WWOX: variants seen among roughly 807,000 people sequenced by gnomAD.
WWOX encodes WW domain containing oxidoreductase, also known as WW domain-containing oxidoreductase.
WWOX carries 69 observed loss-of-function variants against 46.2 expected under a neutral mutation model. That is an observed-to-expected ratio of 1.49 (90% confidence interval 1.23 to 1.82). The LOEUF is 1.82. Ranked by LOEUF, WWOX falls within the 40% of genes most tolerant of loss-of-function variation. WWOX has a pLI of 0.00. For missense variants in WWOX, 919 were observed against 542.6 expected (o/e 1.69, Z -6.89); for synonymous variants, 359 against 202.6 (o/e 1.77, Z -6.56).
intron 8 of WWOX, among the ~76,000 whole-genome samples, chr16:78,762,567 A>C (rs2049820952): frequency 6.6e-6 from 1 of 152,224 alleles, no homozygotes; most frequent in Non-Finnish European, 1.5e-5. Flanking sequence ...TGCTGCCATG[A>C]GTCGAGGTGA....
intron 8 of WWOX, among the ~76,000 whole-genome samples, chr16:79,173,436 C>T (rs1158943811): frequency 6.6e-6 from 1 of 152,188 alleles, no homozygotes; most frequent in African/African-American, 2.4e-5. Flanking sequence ...CCCAAGTGAG[C>T]AAACAGGCAG....
At chr16:78,934,620 C>T (rs564336429) in intron 8 of WWOX, among the ~76,000 whole-genome samples, 2 of 152,096 alleles carry the variant, frequency 1.3e-5, no homozygotes, top group South Asian at 4.2e-4. Flanking sequence ...CCCTATGACC[C>T]ACCACCACGC....
At chr16:78,172,053 C>T (rs566312203) in intron 5 of WWOX, among the ~76,000 whole-genome samples, 1 of 152,308 alleles carries the variant, frequency 6.6e-6, no homozygotes, top group South Asian at 2.1e-4. Flanking sequence ...CAGGCTCACA[C>T]AGCTGGGAGA....
chr16:78,664,596 G>T (rs1055227531), intron 8 of WWOX, among the ~76,000 whole-genome samples: 5 of 152,168 alleles, frequency 3.3e-5, no homozygotes, highest in East Asian at 1.9e-4. Context: ...TCAAAACTCT[G>T]TGTCCAGATG....
At chr16:78,409,455 A>AG (rs2082624390) in intron 6 of WWOX, among the ~76,000 whole-genome samples, 1 of 152,170 alleles carries the variant, frequency 6.6e-6, no homozygotes, top group Non-Finnish European at 1.5e-5. Context: ...TTACATAAAC[A>AG]GAAATATTCT....
intron 8 of WWOX, among the ~76,000 whole-genome samples, chr16:79,074,612 A>AG (rs2048619940): frequency 6.6e-6 from 1 of 151,738 alleles, no homozygotes; most frequent in African/African-American, 2.4e-5. Context: ...ATAAGCTAGG[A>AG]ATACTAAGAA....
At position 79,015,905 on chromosome 16, in the gene WWOX, C is replaced by T. The variant is rs140392578; in HGVS notation, c.1057-195703C>T. Among the ~76,000 whole-genome samples the T allele has an allele frequency of 1.4e-3, 208 of 152,198 alleles. 1 individual carries two copies. The highest frequency in any genetic ancestry group is 6.8e-3 in the Middle Eastern group (2 of 294). On this transcript the variant is annotated intron_variant, in intron 8 of 8. Coordinates refer to ENST00000566780, the MANE Select transcript of WWOX (RefSeq NM_016373.4). ...TAGCTGGTACTAAGGCATGTGCCAC[C>T]ACTCACAGCTAATTTTAGTATTTTT...
At chr16:79,034,657 G>A (rs1156420908) in intron 8 of WWOX, among the ~76,000 whole-genome samples, 1 of 151,504 alleles carries the variant, frequency 6.6e-6, no homozygotes. Flanking sequence ...CATCTTGAAT[G>A]CTTCTGTGTC....
intron 8 of WWOX, among the ~76,000 whole-genome samples, chr16:78,630,098 C>T (rs989084121): frequency 6.6e-6 from 1 of 152,154 alleles, no homozygotes; most frequent in African/African-American, 2.4e-5. Flanking sequence ...GAAAATCTGT[C>T]ACCAGTCACT....
chr16:79,176,050 C>G (rs144041448), intron 8 of WWOX, among the ~76,000 whole-genome samples: 1 of 152,320 alleles, frequency 6.6e-6, no homozygotes, highest in East Asian at 1.9e-4. Flanking sequence ...ATTCCCTAAG[C>G]TGCACATTAG....
chr16:78,996,438 G>A lies in WWOX; in HGVS notation c.1057-215170G>A, dbSNP rs376329036. ...TGCTCAAAGTTTGCAAAGAATGGAGGCATATTCAAAGTGCTCAGCACTGGG... is the reference window on the plus strand; with the variant it reads ...TGCTCAAAGTTTGCAAAGAATGGAGACATATTCAAAGTGCTCAGCACTGGG... On this transcript the variant is annotated intron_variant, in intron 8 of 8. Transcript: ENST00000566780. 4.5e-4 allele frequency: 317 copies of A among 696,778 alleles called. 8 individuals carry two copies. In the South Asian group the frequency reaches 0.017, roughly 37 times the overall value. The allele number at this position is 696,778 out of a possible 1,614,324, so 43.2% of individuals were successfully genotyped here.
chr16:78,446,871 G>T (rs1226414140), intron 8 of WWOX, among the ~76,000 whole-genome samples: 1 of 151,988 alleles, frequency 6.6e-6, no homozygotes, highest in African/African-American at 2.4e-5. Context: ...ATGTTCACCA[G>T]GCTGGACATG....
intron 8 of WWOX, among the ~76,000 whole-genome samples, chr16:78,909,709 C>T (rs940151287): frequency 1.3e-5 from 2 of 152,176 alleles, no homozygotes; most frequent in African/African-American, 4.8e-5. Flanking sequence ...ATAGTTTGTT[C>T]TTTAAGCAAA....
intron 8 of WWOX, among the ~76,000 whole-genome samples, chr16:78,497,194 A>T (rs2084938005): frequency 6.6e-6 from 1 of 151,918 alleles, no homozygotes; most frequent in Non-Finnish European, 1.5e-5. Context: ...GCATATGCAC[A>T]TGAGGAAGTT....
chr16:78,878,339 C>G (rs1253152380), intron 8 of WWOX, among the ~76,000 whole-genome samples: 1 of 152,006 alleles, frequency 6.6e-6, no homozygotes, highest in Non-Finnish European at 1.5e-5. Context: ...GCAGGCAGGC[C>G]CCTGGGTTCA....
At chr16:78,944,360 G>A (rs1204869462) in intron 8 of WWOX, among the ~76,000 whole-genome samples, 2 of 152,072 alleles carry the variant, frequency 1.3e-5, no homozygotes, top group African/African-American at 4.8e-5. Context: ...TTGAAGATAG[G>A]AGCTGTCTTA....
At chr16:79,153,701 C>A (rs2050325949) in intron 8 of WWOX, among the ~76,000 whole-genome samples, 2 of 152,146 alleles carry the variant, frequency 1.3e-5, no homozygotes, top group South Asian at 4.2e-4. Flanking sequence ...TTCTATTCCT[C>A]CCAGTACCAT....
intron 5 of WWOX, among the ~76,000 whole-genome samples, chr16:78,195,634 C>G (rs1376021162): frequency 6.6e-6 from 1 of 151,880 alleles, no homozygotes; most frequent in Non-Finnish European, 1.5e-5. Context: ...CCAGCCTGAG[C>G]AACATGACGA....
intron 5 of WWOX, among the ~76,000 whole-genome samples, chr16:78,230,747 G>T (rs1312013103): frequency 2.0e-5 from 3 of 152,206 alleles, no homozygotes; most frequent in Admixed American, 6.5e-5. Flanking sequence ...TTGAGCAGGG[G>T]AGGCATGATC....
Sources: allele counts gnomAD v4.1 joint callset (sites outside exome capture counted in the v4.1 genomes callset), GRCh38; gene constraint gnomAD v4.1.1; transcripts MANE v1.5; gene names NCBI Gene and HGNC (gene_info 2026-07-23, HGNC 2026-07-21).